Variants in KAZN observed in about 807,000 individuals in gnomAD.
KAZN encodes kazrin, periplakin interacting protein.
Under a neutral mutation model 87.4 loss-of-function variants are expected in KAZN, and 40 were observed. That is an observed-to-expected ratio of 0.46 (90% CI 0.36 to 0.60). The LOEUF is 0.60. KAZN is among the 20% of genes least tolerant of loss of function. The pLI, the probability that KAZN is intolerant of heterozygous loss-of-function variation, is 0.00. For missense variants in KAZN, 898 were observed against 1,073.9 expected, an observed-to-expected ratio of 0.84 and a Z score of 2.29; for synonymous variants, 466 against 458.3, an observed-to-expected ratio of 1.02 and a Z score of -0.22.
intron 1 of KAZN, among the ~76,000 whole-genome samples, chr1:14,623,766 CT>C (rs1342261912): frequency 6.6e-6 from 1 of 150,856 alleles, no homozygotes; most frequent in Non-Finnish European, 1.5e-5. Context: ...TTTTTTTTCT[CT>C]TTTGATATCT....
intron 8 of KAZN, among the ~76,000 whole-genome samples, chr1:15,076,659 G>A (rs1004459703): frequency 5.3e-5 from 8 of 152,306 alleles, no homozygotes; most frequent in African/African-American, 1.9e-4. Flanking sequence ...TGGCTTTTCT[G>A]AGCTCCACTT....
At chr1:14,564,602 A>C (rs921580710) in intron 2 of KAZN, among the ~76,000 whole-genome samples, 24 of 151,928 alleles carry the variant, frequency 1.6e-4, no homozygotes, top group African/African-American at 5.6e-4. Context: ...TCAAGAGTTC[A>C]AGACCAGCCT....
intron 2 of KAZN, among the ~76,000 whole-genome samples, chr1:14,490,545 T>G (rs534221882): frequency 2.6e-5 from 4 of 152,254 alleles, no homozygotes; most frequent in African/African-American, 9.6e-5. Flanking sequence ...CAGGCTGGAG[T>G]GCAGTGGCGC....
intron 1 of KAZN, among the ~76,000 whole-genome samples, chr1:14,141,937 G>A (rs115546383): frequency 0.014 from 2,008 of 145,442 alleles, 35 homozygotes; most frequent in African/African-American, 0.05. Flanking sequence ...AAAATGTTAA[G>A]GCTTTGTGCT....
At chr1:14,387,782 GC>G (rs1197220565) in intron 2 of KAZN, among the ~76,000 whole-genome samples, 1 of 152,026 alleles carries the variant, frequency 6.6e-6, no homozygotes, top group Non-Finnish European at 1.5e-5. Flanking sequence ...TCTGTGCCCT[GC>G]CCCCAGAGGT....
chr1:13,983,159 G>C (rs756112710), intron 1 of KAZN, among the ~76,000 whole-genome samples: 1 of 152,256 alleles, frequency 6.6e-6, no homozygotes, highest in South Asian at 2.1e-4. Flanking sequence ...CGCGCCCTGC[G>C]CCTGCACTCC....
At chr1:14,381,928 AC>A (rs1661402340) in intron 2 of KAZN, among the ~76,000 whole-genome samples, 1 of 152,176 alleles carries the variant, frequency 6.6e-6, no homozygotes, top group African/African-American at 2.4e-5. Context: ...TTTGGAAAAA[AC>A]ATAAGACTCC....
chr1:14,681,605 GTATATGTGTATATATA>G (rs1640582486), intron 1 of KAZN, among the ~76,000 whole-genome samples: 2 of 22,496 alleles, frequency 8.9e-5, no homozygotes, highest in South Asian at 5.8e-3. Context: ...ATATATATAT[GTATATGTGTATATATA>G]TATATATATA....
chr1:14,034,872 T>C (rs1641481510), intron 1 of KAZN, among the ~76,000 whole-genome samples: 1 of 152,176 alleles, frequency 6.6e-6, no homozygotes, highest in African/African-American at 2.4e-5. Context: ...GTGGGAAGTA[T>C]TGAGCCCTGA....
At chr1:15,079,142 T>C (rs892526513) in intron 8 of KAZN, among the ~76,000 whole-genome samples, 7 of 152,038 alleles carry the variant, frequency 4.6e-5, no homozygotes, top group Non-Finnish European at 4.4e-5. Flanking sequence ...CAGTGGTGAG[T>C]TCCTGTCCCG....
chr1:14,583,034 C>A (rs930674863), intron 2 of KAZN, among the ~76,000 whole-genome samples: 7 of 152,300 alleles, frequency 4.6e-5, no homozygotes, highest in Middle Eastern at 3.4e-3. Flanking sequence ...TTGTTCCATG[C>A]CTGGTGAGCT....
At chr1:14,244,043 G>C (rs1009518849) in intron 2 of KAZN, among the ~76,000 whole-genome samples, 1 of 152,178 alleles carries the variant, frequency 6.6e-6, no homozygotes, top group Non-Finnish European at 1.5e-5. Flanking sequence ...CATAGATAAA[G>C]TAATAGAAAC....
chr1:14,290,463 C>G (rs914088789), intron 2 of KAZN, among the ~76,000 whole-genome samples: 3 of 152,258 alleles, frequency 2.0e-5, no homozygotes, highest in African/African-American at 7.2e-5. Context: ...CCCACTTGAT[C>G]GAATTGGCTA....
intron 2 of KAZN, among the ~76,000 whole-genome samples, chr1:14,423,934 A>G (rs763608286): frequency 2.6e-5 from 4 of 152,208 alleles, no homozygotes; most frequent in Non-Finnish European, 5.9e-5. Flanking sequence ...ATTAAGCCCA[A>G]CAGAGGGAAA....
intron 2 of KAZN, among the ~76,000 whole-genome samples, chr1:15,009,243 G>A (rs1277223177): frequency 1.3e-5 from 2 of 152,222 alleles, no homozygotes; most frequent in African/African-American, 2.4e-5. Context: ...GGGATAATGT[G>A]CCTTGAGGAG....
chr1:13,932,982 A>C (rs6692561), intron 1 of KAZN, among the ~76,000 whole-genome samples: 10,342 of 152,300 alleles, frequency 0.068, 515 homozygotes, highest in South Asian at 0.1. Context: ...AATACTACAG[A>C]GAATTCCTAC....
At chr1:14,814,572 G>C (rs1000267711) in intron 1 of KAZN, among the ~76,000 whole-genome samples, 6 of 152,230 alleles carry the variant, frequency 3.9e-5, no homozygotes, top group Admixed American at 3.9e-4. Flanking sequence ...TCTGAGCACA[G>C]ACAAACAGGA....
intron 1 of KAZN, among the ~76,000 whole-genome samples, chr1:14,640,154 A>G (rs1241464542): frequency 6.6e-6 from 1 of 152,216 alleles, no homozygotes; most frequent in Non-Finnish European, 1.5e-5. Flanking sequence ...ATACCCCTTT[A>G]TATTTTAGAT....
intron 2 of KAZN, among the ~76,000 whole-genome samples, chr1:14,370,154 A>AC (rs1424803931): frequency 6.6e-6 from 1 of 151,994 alleles, no homozygotes; most frequent in Non-Finnish European, 1.5e-5. Context: ...ATGTCTTTCC[A>AC]CCCCCAGGAA....
Sources: allele counts gnomAD v4.1 joint callset (sites outside exome capture counted in the v4.1 genomes callset), GRCh38; gene constraint gnomAD v4.1.1; transcripts MANE v1.5; gene names NCBI Gene and HGNC (gene_info 2026-07-23, HGNC 2026-07-21).